TOP2B: variants seen among roughly 807,000 people sequenced by gnomAD.
TOP2B encodes the protein DNA topoisomerase II beta, also known as DNA topoisomerase 2-beta.
In TOP2B, 51 loss-of-function variants were observed where a neutral mutation model predicts 193.5. The ratio of observed to expected loss-of-function variants is 0.26; its 90% CI spans 0.21 to 0.33. The LOEUF is 0.33. Ranked by LOEUF, TOP2B falls within the 10% of genes least tolerant of loss-of-function variation. The probability of loss-of-function intolerance (pLI) is 1.00; values close to 1 mark genes in which losing one functional copy is unlikely to be tolerated. For missense variants in TOP2B, 1,378 were observed against 1,909.3 expected, an observed-to-expected ratio of 0.72 and a Z score of 5.19; for synonymous variants, 634 against 635.7, an observed-to-expected ratio of 1.00 and a Z score of 0.04.
At chr3:25,627,422 A>ATATTTTTTTTTTTTTTTTTTTTTT in intron 15 of TOP2B, 126 bp from the exon 16 acceptor site, 1 of 514,322 alleles carries the variant, frequency 1.9e-6, no homozygotes, top group Non-Finnish European at 3.4e-6. Flanking sequence ...TAAGTGATCA[A>ATATTTTTTTTTTTTTTTTTTTTTT]TCTTAATAAG....
At chr3:25,606,804 C>T (rs866706118) in intron 31 of TOP2B, among the ~76,000 whole-genome samples, 3 of 152,152 alleles carry the variant, frequency 2.0e-5, no homozygotes, top group African/African-American at 4.8e-5. Context: ...CCAACTATAT[C>T]CCATGGACCT....
At position 25,612,592 on chromosome 3, in the gene TOP2B, G is replaced by T; in HGVS notation, c.3709C>A (p.Pro1237Thr). 1 of 1,613,626 alleles carries T rather than the reference G, an allele frequency of 6.2e-7. No individual in the cohort carries two copies. Among genetic ancestry groups the T allele is most frequent in the Non-Finnish European group, 8.5e-7 (1 of 1,179,806 alleles). The part of the protein sequence containing the change: ...KLQLEETMPS[P>T]YGRRIIPEIT... ...TCAGGAATTATTCTTCTGCCATAAGGTGAGGGCATTGTCTCTTCCAACTGG... is the reference window on the plus strand; with the variant it reads ...TCAGGAATTATTCTTCTGCCATAAGTTGAGGGCATTGTCTCTTCCAACTGG... Residue 1237 changes from proline (P) to threonine (T), a missense_variant, in exon 28 of 36, where the codon CCT becomes ACT. By Grantham distance (38) the Pro-to-Thr change is conservative. This residue lies in a region of TOP2B where 556 missense variants were observed against 584.2 expected (regional missense o/e 0.95). Transcript: ENST00000264331.
At chr3:25,656,924 C>T (rs949553071) in intron 1 of TOP2B, among the ~76,000 whole-genome samples, 1 of 152,148 alleles carries the variant, frequency 6.6e-6, no homozygotes, top group Non-Finnish European at 1.5e-5. Flanking sequence ...GTTTCTTTTC[C>T]TAGAGGCAAT....
intron 8 of TOP2B, 31 bp downstream of exon 8, chr3:25,633,810 T>A: frequency 6.3e-7 from 1 of 1,576,924 alleles, no homozygotes; most frequent in Non-Finnish European, 8.6e-7. Context: ...GTTCTACCAC[T>A]GACTTGGAAA....
intron 1 of TOP2B, among the ~76,000 whole-genome samples, chr3:25,648,403 G>C (rs746696665): frequency 1.1e-4 from 17 of 152,114 alleles, no homozygotes; most frequent in Non-Finnish European, 2.2e-4. Context: ...GATTTGTGAG[G>C]TCTCAGGATT....
intron 1 of TOP2B, among the ~76,000 whole-genome samples, chr3:25,648,749 C>A (rs1181257809): frequency 6.6e-6 from 1 of 152,082 alleles, no homozygotes; most frequent in Admixed American, 6.6e-5. Context: ...GTAGTCCCAG[C>A]TACTTGGGAG....
At chr3:25,629,249 AT>A (rs1160732086) in intron 13 of TOP2B, 104 bp from the exon 14 acceptor site, 2 of 746,416 alleles carry the variant, frequency 2.7e-6, no homozygotes, top group South Asian at 2.5e-5. Flanking sequence ...AAAATTCTGA[AT>A]TTTAGAAATG....
At chr3:25,650,375 G>C (rs112867987) in intron 1 of TOP2B, among the ~76,000 whole-genome samples, 13 of 152,266 alleles carry the variant, frequency 8.5e-5, no homozygotes, top group African/African-American at 3.1e-4. Context: ...GTCTGCTTTC[G>C]CTTTGATTGG....
chr3:25,619,600 T>C (rs1232091890), intron 23 of TOP2B, among the ~76,000 whole-genome samples: 2 of 152,110 alleles, frequency 1.3e-5, no homozygotes, highest in Non-Finnish European at 2.9e-5. Flanking sequence ...TCATAACTTT[T>C]AGTCAATGTG....
chr3:25,643,005 T>G (rs992722159), intron 3 of TOP2B, among the ~76,000 whole-genome samples: 1 of 152,166 alleles, frequency 6.6e-6, no homozygotes, highest in African/African-American at 2.4e-5. Context: ...AATTATAATA[T>G]GGAGGCAAGA....
chr3:25,664,501 T>G lies in TOP2B; in HGVS notation c.-204A>C, dbSNP rs1684107391. The G allele has an allele frequency of 8.5e-7, 1 of 1,175,780 alleles. No individual in the cohort carries two copies. Among genetic ancestry groups the G allele is most frequent in the African/African-American group, 1.6e-5 (1 of 61,872 alleles). The allele number at this position is 1,175,780 out of a possible 1,614,324, so 72.8% of individuals were successfully genotyped here. A position where few individuals can be genotyped will look rare whatever the true frequency, so the allele number is the denominator to read the frequency against. ...GCCGCGCCGCCGGCTGCCCTCAAAC[T>G]CGAGGCGCGGCGTCCGCGTCGCCCG... On this transcript the variant is annotated 5_prime_UTR_variant, in exon 1 of 36. Transcript: ENST00000264331.
chr3:25,662,404 TAAAG>T (rs1388749533), intron 1 of TOP2B, among the ~76,000 whole-genome samples: 1 of 152,160 alleles, frequency 6.6e-6, no homozygotes, highest in African/African-American at 2.4e-5. Context: ...CATCAACTCT[TAAAG>T]AAGACTTACA....
chr3:25,598,974 C>A (rs7621736), intron 35 of TOP2B, among the ~76,000 whole-genome samples: 1 of 151,658 alleles, frequency 6.6e-6, no homozygotes, highest in African/African-American at 2.4e-5. Context: ...AAAAGGGATG[C>A]GGGGGAGCTG....
At position 25,607,582 on chromosome 3, in the gene TOP2B, G is replaced by A. The variant is rs114199562; in HGVS notation, c.4094-207C>T. ...ATGTCTGTCTTACACTTTCCAGGAG[G>A]CTACCACATAATACTGTGCATGTTA... is the stretch of plus-strand genomic sequence containing the variant. On this transcript the variant is annotated intron_variant, in intron 30 of 35. Transcript: ENST00000264331. Among the ~76,000 whole-genome samples, 365 of 152,212 alleles carry A rather than the reference G, an allele frequency of 2.4e-3. 4 individuals carry two copies. Among genetic ancestry groups the A allele is most frequent in the African/African-American group, 8.4e-3 (350 of 41,536 alleles).
At position 25,619,884 on chromosome 3, in the gene TOP2B, G is replaced by C. The variant is rs1355847168; in HGVS notation, c.3041C>G (p.Thr1014Ser). Reference protein sequence around the residue: ...AGLHKVFKLQTTLTCNSMVLF... With the variant: ...AGLHKVFKLQSTLTCNSMVLF... ...TACCATGGAATTACAAGTAAGAGTAGTTTGAAGTTTAAAAACTTTATGCAG... is the reference window on the plus strand; with the variant it reads ...TACCATGGAATTACAAGTAAGAGTACTTTGAAGTTTAAAAACTTTATGCAG... Residue 1014 changes from threonine (T) to serine (S), a missense_variant, in exon 23 of 36, where the codon ACT becomes AGT. Thr to Ser is a moderately conservative substitution (Grantham distance 58). Transcript: ENST00000264331. 6.2e-7 allele frequency: 1 copy of C among 1,610,830 alleles called. No individual in the cohort carries two copies. The highest frequency in any genetic ancestry group is 8.5e-7 in the Non-Finnish European group (1 of 1,177,546).
At chr3:25,607,065 G>T in intron 31 of TOP2B, 106 bp downstream of exon 31, 1 of 1,425,708 alleles carries the variant, frequency 7.0e-7, no homozygotes, top group Admixed American at 2.6e-5. Context: ...TCATGAAGAA[G>T]AACTTGCCTA....
intron 13 of TOP2B, 101 bp from the exon 14 acceptor site, chr3:25,629,246 T>C (rs1575574819): frequency 1.3e-6 from 1 of 799,384 alleles, no homozygotes; most frequent in East Asian, 2.9e-5. Context: ...ACCAAAATTC[T>C]GAATTTTAGA....
At chr3:25,643,462 A>G (rs1375393280) in intron 3 of TOP2B, among the ~76,000 whole-genome samples, 1 of 152,242 alleles carries the variant, frequency 6.6e-6, no homozygotes, top group Non-Finnish European at 1.5e-5. Flanking sequence ...CTATGGGATT[A>G]CAAATATAAC....
chr3:25,614,332 T>C (rs1702452652), intron 27 of TOP2B, among the ~76,000 whole-genome samples: 1 of 152,066 alleles, frequency 6.6e-6, no homozygotes, highest in Non-Finnish European at 1.5e-5. Context: ...TTTCTTTTAA[T>C]ATATGATGGC....
Sources: allele counts gnomAD v4.1 joint callset (sites outside exome capture counted in the v4.1 genomes callset), GRCh38; gene constraint gnomAD v4.1.1; regional missense constraint gnomAD v4.1.1; transcripts MANE v1.5; gene names NCBI Gene and HGNC (gene_info 2026-07-23, HGNC 2026-07-21).